ASAP1: variants seen among roughly 807,000 people sequenced by gnomAD.
ASAP1 encodes arf-GAP with SH3 domain, ANK repeat and PH domain-containing protein 1.
A neutral mutation model predicts 145.2 loss-of-function variants in ASAP1; 43 were observed. The ratio of observed to expected loss-of-function variants is 0.30; its 90% CI spans 0.23 to 0.38. The LOEUF is 0.38. ASAP1 is among the 10% of genes least tolerant of loss of function. ASAP1 has a pLI of 1.00. For synonymous variants in ASAP1, 546 were observed against 515.5 expected, an observed-to-expected ratio of 1.06 and a Z score of -0.80; for missense variants, 1,018 against 1,355.3, an observed-to-expected ratio of 0.75 and a Z score of 3.91.
Position 130,214,675 on chromosome 8 carries a change from C to A in ASAP1, c.286G>T (p.Ala96Ser), listed in dbSNP as rs1286032953. The A allele has an allele frequency of 1.9e-6, 3 of 1,602,220 alleles. No individual in the cohort carries two copies. Among genetic ancestry groups the A allele is most frequent in the Middle Eastern group, 1.7e-4 (1 of 6,040 alleles). Residue 96 changes from alanine (A) to serine (S), a missense_variant, in exon 5 of 30, where the codon GCA becomes TCA. Physicochemically the swap from Ala to Ser is moderately conservative, Grantham distance 99. Around this residue, in one of 9 missense-constraint regions of ASAP1, gnomAD observed 106 missense variants for 134.5 expected, o/e 0.79. Transcript: ENST00000518721. ...QDHVQNEENY[A>S]QVLDKFGSNF... ...CTCCCAAACTTATCAAGAACTTGTGCATAGTTTTCTTCATTTTGTACATGA... is the reference window on the plus strand; with the variant it reads ...CTCCCAAACTTATCAAGAACTTGTGAATAGTTTTCTTCATTTTGTACATGA...
At chr8:130,109,458 G>C (rs1266148822) in intron 24 of ASAP1, among the ~76,000 whole-genome samples, 3 of 151,910 alleles carry the variant, frequency 2.0e-5, no homozygotes, top group South Asian at 4.1e-4. Flanking sequence ...TTTATCTCAA[G>C]TGTCTGTTTC....
In ASAP1 at chr8:130,362,048, C is replaced by T. The variant is rs149931228; in HGVS notation, c.60-3905G>A. ...ATGATTATGGCAGGATGCACTTTGT[C>T]GCCTTGAAAAAAAGGCAGCAGGAAC... On this transcript the variant is annotated intron_variant, in intron 2 of 29. Transcript: ENST00000518721. Among the ~76,000 whole-genome samples the T allele has an allele frequency of 6.9e-3, 1,057 of 152,244 alleles. 11 individuals are homozygous for T. The highest frequency in any genetic ancestry group is 0.024 in the African/African-American group (1,006 of 41,538).
At chr8:130,438,764 G>A (rs1230860614) in intron 1 of ASAP1, among the ~76,000 whole-genome samples, 1 of 152,190 alleles carries the variant, frequency 6.6e-6, no homozygotes, top group Non-Finnish European at 1.5e-5. Context: ...CTGGCACAGA[G>A]AAGAGCTCTG....
intron 12 of ASAP1, among the ~76,000 whole-genome samples, chr8:130,157,199 G>A (rs576592150): frequency 6.6e-6 from 1 of 152,300 alleles, no homozygotes; most frequent in Admixed American, 6.5e-5. Context: ...CATGCAGTTT[G>A]GACTAGCATT....
At chr8:130,382,934 A>G (rs923587115) in intron 2 of ASAP1, among the ~76,000 whole-genome samples, 2 of 152,242 alleles carry the variant, frequency 1.3e-5, no homozygotes. Flanking sequence ...AGAAAGCTTC[A>G]TTGAAGAGTT....
At chr8:130,212,653 C>T (rs1351047431) in intron 5 of ASAP1, among the ~76,000 whole-genome samples, 1 of 152,220 alleles carries the variant, frequency 6.6e-6, no homozygotes, top group African/African-American at 2.4e-5. Context: ...CTACATAACA[C>T]ACCCACCAAA....
chr8:130,291,828 T>C (rs143410177), intron 3 of ASAP1, among the ~76,000 whole-genome samples: 104 of 152,326 alleles, frequency 6.8e-4, no homozygotes, highest in African/African-American at 1.2e-3. Flanking sequence ...CTGTGGAAAC[T>C]TGACAACTCT....
chr8:130,298,493 T>TA (rs1317738648), intron 3 of ASAP1, among the ~76,000 whole-genome samples: 1 of 152,186 alleles, frequency 6.6e-6, no homozygotes, highest in Non-Finnish European at 1.5e-5. Flanking sequence ...CAAACACTGT[T>TA]ACCTTTCATT....
intron 24 of ASAP1, among the ~76,000 whole-genome samples, chr8:130,093,843 C>T (rs1335217033): frequency 6.6e-6 from 1 of 151,872 alleles, no homozygotes; most frequent in Non-Finnish European, 1.5e-5. Flanking sequence ...AGTAAGCTTT[C>T]CTATTTCCCA....
At chr8:130,108,285 A>G (rs1426646998) in intron 24 of ASAP1, among the ~76,000 whole-genome samples, 1 of 152,216 alleles carries the variant, frequency 6.6e-6, no homozygotes, top group Non-Finnish European at 1.5e-5. Flanking sequence ...AGGGCTATAT[A>G]ATGCCTGATT....
At chr8:130,264,024 G>A in intron 3 of ASAP1, among the ~76,000 whole-genome samples, 1 of 152,158 alleles carries the variant, frequency 6.6e-6, no homozygotes, top group Non-Finnish European at 1.5e-5. Context: ...TAGTGAGGAG[G>A]AAAAAACCAC....
At chr8:130,089,326 C>A (rs1167190056) in intron 25 of ASAP1, among the ~76,000 whole-genome samples, 1 of 152,118 alleles carries the variant, frequency 6.6e-6, no homozygotes, top group East Asian at 1.9e-4. Flanking sequence ...AGATGGCAGA[C>A]ATGTTCAGCT....
At chr8:130,084,219 G>A (rs1209109727) in intron 25 of ASAP1, 1 of 152,236 alleles carries the variant, frequency 6.6e-6, no homozygotes, top group African/African-American at 2.4e-5. Flanking sequence ...ACACCTGGCT[G>A]GGTAGGCGTC....
chr8:130,289,089 G>A (rs578057681), intron 3 of ASAP1, among the ~76,000 whole-genome samples: 2 of 152,292 alleles, frequency 1.3e-5, no homozygotes, highest in South Asian at 2.1e-4. Flanking sequence ...GGGAAGCTGA[G>A]GCAGGAGAAT....
chr8:130,277,708 C>A (rs1820997418), intron 3 of ASAP1, among the ~76,000 whole-genome samples: 1 of 152,220 alleles, frequency 6.6e-6, no homozygotes, highest in African/African-American at 2.4e-5. Flanking sequence ...CACCAGCAAG[C>A]AGCCATTAGC....
At chr8:130,340,708 T>C (rs1003760638) in intron 3 of ASAP1, 12 of 293,308 alleles carry the variant, frequency 4.1e-5, no homozygotes, top group Admixed American at 8.4e-5. Context: ...TTGTGCAATT[T>C]GGGCATTTAT....
At chr8:130,111,814 T>C (rs1049898983) in intron 24 of ASAP1, among the ~76,000 whole-genome samples, 4 of 152,180 alleles carry the variant, frequency 2.6e-5, no homozygotes, top group African/African-American at 9.7e-5. Context: ...TGAGCCTTAG[T>C]TTCCTCTTCT....
intron 3 of ASAP1, among the ~76,000 whole-genome samples, chr8:130,300,443 C>T (rs1188205544): frequency 2.0e-5 from 3 of 152,092 alleles, no homozygotes; most frequent in African/African-American, 7.2e-5. Context: ...GCTGGTATAA[C>T]CATATTGTGG....
intron 7 of ASAP1, among the ~76,000 whole-genome samples, chr8:130,185,469 C>T (rs905704901): frequency 1.3e-5 from 2 of 152,066 alleles, no homozygotes; most frequent in Admixed American, 1.3e-4. Context: ...TGGTGGCTCA[C>T]GCCTGTAATC....
Sources: gnomAD v4.1 joint callset for allele counts (sites outside exome capture counted in the v4.1 genomes callset) on GRCh38, gnomAD v4.1.1 for gene constraint, gnomAD v4.1.1 regional missense constraint, MANE v1.5 for transcripts, NCBI Gene and HGNC (gene_info 2026-07-23, HGNC 2026-07-21) for gene names.